Variants in GAB4 observed in about 807,000 individuals in gnomAD.
GAB4 encodes the protein GRB2 associated binding protein family member 4.
GAB4 carries 26 observed loss-of-function variants against 51.3 expected under a neutral mutation model. The observed-to-expected ratio is 0.51, with a 90% CI of 0.37 to 0.70. The LOEUF (loss-of-function observed/expected upper bound fraction) is 0.70, where lower values mean the gene tolerates loss of function less well. Among genes scored for constraint, GAB4 ranks in the 30% least tolerant of loss-of-function variants. The pLI is 0.00. For synonymous variants in GAB4, 329 were observed against 291.2 expected (o/e 1.13, Z -1.32); for missense variants, 759 against 734.6 (o/e 1.03, Z -0.38).
At chr22:17,004,776 G>C (rs1386831771) in intron 1 of GAB4, among the ~76,000 whole-genome samples, 5 of 151,902 alleles carry the variant, frequency 3.3e-5, no homozygotes, top group African/African-American at 9.7e-5. Flanking sequence ...AATAGATGCA[G>C]AACAGGCCTT....
intron 1 of GAB4, among the ~76,000 whole-genome samples, chr22:16,998,821 T>A (rs2060971528): frequency 6.6e-6 from 1 of 151,580 alleles, no homozygotes; most frequent in African/African-American, 2.4e-5. Flanking sequence ...ATACATCCCA[T>A]CTAGTTCATT....
chr22:17,005,272 T>C (rs769813113), intron 1 of GAB4, among the ~76,000 whole-genome samples: 2 of 151,916 alleles, frequency 1.3e-5, no homozygotes, highest in Non-Finnish European at 2.9e-5. Flanking sequence ...AAGAATAAAA[T>C]ACCTAGGAAT....
At chr22:16,964,614 C>CCG (rs781619235) in intron 8 of GAB4, 152 bp downstream of exon 8, 26 of 586,332 alleles carry the variant, frequency 4.4e-5, no homozygotes, top group Non-Finnish European at 7.8e-5. Context: ...CCTGATACAC[C>CCG]TGTGCTCAAG....
intron 1 of GAB4, among the ~76,000 whole-genome samples, chr22:17,004,634 G>A (rs1050138274): frequency 1.1e-4 from 16 of 149,908 alleles, no homozygotes; most frequent in African/African-American, 2.5e-4. Flanking sequence ...CACCCCGTTC[G>A]TGCTAAAAAC....
chr22:16,969,494 A>G, intron 4 of GAB4: 1 of 469,820 alleles, frequency 2.1e-6, no homozygotes, highest in Non-Finnish European at 3.7e-6. Context: ...CTTGACTATC[A>G]GTGACCTGAG....
chr22:17,008,140 G>A lies in GAB4; in HGVS notation c.-26C>T, dbSNP rs753520062. The A allele has an allele frequency of 1.9e-6, 3 of 1,540,844 alleles. No homozygotes were observed. Among genetic ancestry groups the A allele is most frequent in the Non-Finnish European group, 2.7e-6 (3 of 1,124,860 alleles). On this transcript the variant is annotated 5_prime_UTR_variant, in exon 1 of 10. Transcript: ENST00000400588. ...GGGGGCTGCAGCTCACAGTGAAGGTGGGGGAGACAGGGCGAGAGGGCGTTG... is the reference window on the plus strand; with the variant it reads ...GGGGGCTGCAGCTCACAGTGAAGGTAGGGGAGACAGGGCGAGAGGGCGTTG...
chr22:16,985,411 C>T (rs578211360), intron 3 of GAB4, among the ~76,000 whole-genome samples: 8 of 152,294 alleles, frequency 5.3e-5, no homozygotes, highest in South Asian at 2.1e-4. Context: ...GGAAAAGCCA[C>T]GGAAATTGAA....
At chr22:16,969,102 T>G (rs1161855665) in intron 4 of GAB4, among the ~76,000 whole-genome samples, 1 of 152,240 alleles carries the variant, frequency 6.6e-6, no homozygotes, top group Admixed American at 6.5e-5. Flanking sequence ...TATATGCAGA[T>G]ATAAAATACT....
intron 3 of GAB4, among the ~76,000 whole-genome samples, chr22:16,982,874 C>G (rs1036610604): frequency 2.6e-5 from 4 of 152,150 alleles, no homozygotes; most frequent in African/African-American, 9.7e-5. Context: ...TTTGGAACAC[C>G]AAATTCTGTG....
chr22:16,982,552 T>C (rs1464598492), intron 3 of GAB4, among the ~76,000 whole-genome samples: 1 of 152,144 alleles, frequency 6.6e-6, no homozygotes, highest in Non-Finnish European at 1.5e-5. Context: ...ATGATCATGA[T>C]TGCAAAAATT....
At chr22:16,985,412 G>A (rs1427165022) in intron 3 of GAB4, among the ~76,000 whole-genome samples, 2 of 152,126 alleles carry the variant, frequency 1.3e-5, no homozygotes, top group African/African-American at 2.4e-5. Context: ...GAAAAGCCAC[G>A]GAAATTGAAT....
intron 3 of GAB4, among the ~76,000 whole-genome samples, chr22:16,977,193 G>A (rs143832602): frequency 2.0e-5 from 3 of 152,024 alleles, no homozygotes; most frequent in African/African-American, 7.3e-5. Context: ...AATGTAAATG[G>A]GCTAAATGCC....
rs369263047 is a variant in GAB4, at chr22:16,962,707, C to A, written c.*26G>T. ...GAGCAGCTCTGAGGCACTGTCCTGG[C>A]CCCACTCTGGTTTTGGTGGCCCGAG... On this transcript the variant is annotated 3_prime_UTR_variant, in exon 10 of 10. Coordinates refer to ENST00000400588, the MANE Select transcript of GAB4 (RefSeq NM_001037814.1). 4.4e-6 allele frequency: 7 copies of A among 1,601,418 alleles called. No individual in the cohort carries two copies. The highest frequency in any genetic ancestry group is 3.3e-5 in the South Asian group (3 of 90,174).
intron 3 of GAB4, among the ~76,000 whole-genome samples, chr22:16,979,589 C>T (rs1475197322): frequency 2.0e-5 from 3 of 152,208 alleles, no homozygotes; most frequent in African/African-American, 7.2e-5. Flanking sequence ...AATGGCCATA[C>T]TGCCCAAAGA....
intron 1 of GAB4, 38 bp downstream of exon 1, chr22:17,007,903 C>T (rs767713816): frequency 1.7e-5 from 26 of 1,522,922 alleles, no homozygotes; most frequent in South Asian, 2.5e-5. Context: ...CCAGACCCTC[C>T]GTGGCGCTCC....
chr22:16,994,196 A>G (rs1260592826), intron 1 of GAB4, among the ~76,000 whole-genome samples: 3 of 152,132 alleles, frequency 2.0e-5, no homozygotes, highest in Non-Finnish European at 4.4e-5. Context: ...TGTTTTGTGA[A>G]ATCACTCTAA....
At chr22:16,989,546 A>G (rs2060896844) in intron 2 of GAB4, among the ~76,000 whole-genome samples, 1 of 152,226 alleles carries the variant, frequency 6.6e-6, no homozygotes, top group African/African-American at 2.4e-5. Flanking sequence ...GCACTCCAAG[A>G]TGAGCTCCCA....
At chr22:16,998,440 T>C (rs1214987856) in intron 1 of GAB4, among the ~76,000 whole-genome samples, 1 of 152,214 alleles carries the variant, frequency 6.6e-6, no homozygotes, top group Non-Finnish European at 1.5e-5. Flanking sequence ...GATTTGGCTC[T>C]CTGTTTGTCT....
chr22:16,983,541 T>C (rs2060843417), intron 3 of GAB4, among the ~76,000 whole-genome samples: 2 of 152,308 alleles, frequency 1.3e-5, no homozygotes, highest in African/African-American at 2.4e-5. Context: ...TCATATTACC[T>C]GACTTCAAAA....
Sources: allele counts gnomAD v4.1 joint callset (sites outside exome capture counted in the v4.1 genomes callset), GRCh38; gene constraint gnomAD v4.1.1; transcripts MANE v1.5; gene names NCBI Gene and HGNC (gene_info 2026-07-23, HGNC 2026-07-21).